Variants in AKAP13 observed in about 807,000 individuals in gnomAD.
AKAP13 encodes A-kinase anchor protein 13.
A neutral mutation model predicts 264.5 loss-of-function variants in AKAP13; 80 were observed. The observed-to-expected ratio is 0.30, with a 90% CI of 0.25 to 0.36. The LOEUF (loss-of-function observed/expected upper bound fraction) is 0.36, where lower values mean the gene tolerates loss of function less well. AKAP13 is among the 10% of genes least tolerant of loss of function. AKAP13 has a pLI of 1.00. For missense variants in AKAP13, 3,712 were observed against 3,435.2 expected (o/e 1.08, Z -2.01); for synonymous variants, 1,380 against 1,250.2 (o/e 1.10, Z -2.19).
intron 1 of AKAP13, among the ~76,000 whole-genome samples, chr15:85,482,129 C>G (rs1434770531): frequency 2.0e-5 from 3 of 152,182 alleles, no homozygotes; most frequent in African/African-American, 7.2e-5. Context: ...GCATTATATG[C>G]AGCGAGGTTT....
chr15:85,470,184 GA>G (rs1257483450), intron 1 of AKAP13, among the ~76,000 whole-genome samples: 6 of 152,146 alleles, frequency 3.9e-5, no homozygotes, highest in African/African-American at 1.4e-4. Context: ...AGCTACTCGG[GA>G]GGCTGAGGCA....
Position 85,579,536 on chromosome 15 carries a change from G to A in AKAP13, c.1468G>A (p.Asp490Asn), listed in dbSNP as rs534404480. The change falls in exon 7 of 37, where the codon GAT (aspartate) becomes AAT (asparagine). Residue 490 changes from aspartate to asparagine, a missense_variant. Around this residue, in one of 3 missense-constraint regions of AKAP13, gnomAD observed 2,759 missense variants for 2,411.7 expected, o/e 1.14. Transcript: ENST00000394518. Reference sequence around the variant, plus strand: ...AATGGAACATGGGCTCATGAACCCAGATGCCACTGTTTGGAAGAATGTGCT... The same window carrying A: ...AATGGAACATGGGCTCATGAACCCAAATGCCACTGTTTGGAAGAATGTGCT... ...GEMEHGLMNP[D>N]ATVWKNVLQG... is the part of the protein sequence containing the mutation. 6.2e-7 allele frequency: 1 copy of A among 1,614,198 alleles called. No homozygotes were observed. The highest frequency in any genetic ancestry group is 2.2e-5 in the East Asian group (1 of 44,880).
intron 13 of AKAP13, among the ~76,000 whole-genome samples, chr15:85,668,000 C>T (rs1235801964): frequency 6.6e-6 from 1 of 152,092 alleles, no homozygotes; most frequent in Non-Finnish European, 1.5e-5. Context: ...CTATGCTTAG[C>T]CTTCCTGGAA....
At chr15:85,391,155 A>C (rs758746906) in intron 1 of AKAP13, among the ~76,000 whole-genome samples, 1 of 152,244 alleles carries the variant, frequency 6.6e-6, no homozygotes, top group Non-Finnish European at 1.5e-5. Context: ...GGAAGGCTAG[A>C]TATGAATGAA....
chr15:85,726,353 G>C lies in AKAP13; in HGVS notation c.6746-57G>C, dbSNP rs1274473413. ...CTTCAATAAAAAACCTTCTGACTGT[G>C]GGTAACTATTAAGTAGTCATCGTTT... On this transcript the variant is annotated intron_variant, in intron 26 of 36. Transcript: ENST00000394518. The C allele has an allele frequency of 3.5e-6, 5 of 1,433,634 alleles. No homozygotes were observed. The African/African-American group carries it at 7.1e-5, about 20-fold the overall frequency. The allele number at this position is 1,433,634 out of a possible 1,614,324, so 88.8% of individuals were successfully genotyped here.
intron 14 of AKAP13, among the ~76,000 whole-genome samples, chr15:85,677,492 A>G (rs1205433510): frequency 6.6e-6 from 1 of 152,216 alleles, no homozygotes; most frequent in Non-Finnish European, 1.5e-5. Flanking sequence ...CTCATGGGAC[A>G]GATATCTAGA....
At chr15:85,567,941 GGTGTGTGTGTGTGTGTGTGTGT>G (rs57049395) in intron 5 of AKAP13, among the ~76,000 whole-genome samples, 2 of 141,828 alleles carry the variant, frequency 1.4e-5, no homozygotes, top group African/African-American at 5.3e-5. Flanking sequence ...AGCCCAAAGA[GGTGTGTGTGTGTGTGTGTGTGT>G]GTGTGTGTGT....
intron 8 of AKAP13, among the ~76,000 whole-genome samples, chr15:85,620,571 T>C (rs1174127848): frequency 6.6e-6 from 1 of 152,162 alleles, no homozygotes; most frequent in Non-Finnish European, 1.5e-5. Context: ...TCTCTGCCTC[T>C]GTCTTTTAAG....
rs10693195 is a variant in AKAP13 at position 85,553,084 on chromosome 15, CTTTTT to C, written c.662+9143_662+9147del. On this transcript the variant is annotated intron_variant, in intron 5 of 36. Transcript: ENST00000394518. ...TTAATATAATCTAACATCTGTAATT[CTTTTT>C]TTTTTTTTTTTTTGGAGACGGAGTT... Among the ~76,000 whole-genome samples, 5 of 120,382 alleles carry C rather than the reference CTTTTT, an allele frequency of 4.2e-5. No individual in the cohort carries two copies. In the East Asian group the frequency reaches 9.6e-4, roughly 23 times the overall value. 79.0% of individuals were successfully genotyped at this position (120,382 alleles called of 152,430 possible). A position where few individuals can be genotyped will look rare whatever the true frequency, so the allele number is the denominator to read the frequency against.
chr15:85,613,713 T>TATG (rs1254657975), intron 8 of AKAP13, among the ~76,000 whole-genome samples: 11 of 110,988 alleles, frequency 9.9e-5, no homozygotes, highest in African/African-American at 3.0e-4. Flanking sequence ...TATATATATA[T>TATG]TAGGAGTGCT....
At chr15:85,529,804 A>G (rs35184622) in intron 3 of AKAP13, among the ~76,000 whole-genome samples, 36,616 of 152,128 alleles carry the variant, frequency 0.24, 5,831 homozygotes, top group Middle Eastern at 0.41. Context: ...AATAAAGACT[A>G]ATCCAGGAAA....
chr15:85,729,965 C>T (rs530980779), intron 29 of AKAP13, among the ~76,000 whole-genome samples: 1 of 145,054 alleles, frequency 6.9e-6, no homozygotes, highest in South Asian at 2.2e-4. Context: ...AAAACAAAAA[C>T]AAAAAAAAAA....
intron 8 of AKAP13, among the ~76,000 whole-genome samples, chr15:85,595,769 G>A (rs767736445): frequency 6.6e-6 from 1 of 152,126 alleles, no homozygotes; most frequent in Non-Finnish European, 1.5e-5. Flanking sequence ...ATTGCCTAAG[G>A]ATTGCCAGAG....
At chr15:85,572,477 G>A (rs2078851053) in intron 5 of AKAP13, among the ~76,000 whole-genome samples, 1 of 151,694 alleles carries the variant, frequency 6.6e-6, no homozygotes, top group Admixed American at 6.6e-5. Flanking sequence ...TCAGAGTATA[G>A]CAACTTAGTA....
rs531745352 is a variant in AKAP13 at position 85,723,174 on chromosome 15, G to A, written c.6599G>A (p.Arg2200His). ...GTGGCAAGTTATGAAAAGAAAGTGC[G>A]TCTCAATGAGATTTATACAAAGACA... The part of the protein sequence containing the change: ...SKVASYEKKV[R>H]LNEIYTKTDS... Residue 2200 changes from arginine (R) to histidine (H), a missense_variant, in exon 26 of 37, where the codon CGT becomes CAT. Around this residue, in one of 3 missense-constraint regions of AKAP13, gnomAD observed 342 missense variants for 484.3 expected, o/e 0.71. Coordinates refer to ENST00000394518, the MANE Select transcript of AKAP13 (RefSeq NM_007200.5). 9.9e-6 allele frequency: 16 copies of A among 1,614,152 alleles called. No homozygotes were observed. The highest frequency in any genetic ancestry group is 4.0e-5 in the African/African-American group (3 of 75,056).
chr15:85,601,200 C>A (rs1410237324), intron 8 of AKAP13, among the ~76,000 whole-genome samples: 3 of 152,122 alleles, frequency 2.0e-5, no homozygotes, highest in African/African-American at 7.2e-5. Context: ...TGTCAGTTTA[C>A]CATTTGCCCT....
intron 2 of AKAP13, among the ~76,000 whole-genome samples, chr15:85,509,899 T>C (rs1346767192): frequency 6.6e-6 from 1 of 152,234 alleles, no homozygotes; most frequent in East Asian, 1.9e-4. Context: ...TCCTCCGACA[T>C]GTCACCCCTG....
At chr15:85,744,111 C>T (rs1043720897) in intron 36 of AKAP13, 12 of 421,006 alleles carry the variant, frequency 2.9e-5, no homozygotes, top group Admixed American at 1.2e-4. Context: ...TAATTCAAGT[C>T]CTCCTTGCCT....
At chr15:85,729,952 A>G (rs1398677472) in intron 29 of AKAP13, among the ~76,000 whole-genome samples, 1 of 150,814 alleles carries the variant, frequency 6.6e-6, no homozygotes, top group Non-Finnish European at 1.5e-5. Context: ...GTCTCAAAAA[A>G]CAAAAACAAA....
Sources: allele counts gnomAD v4.1 joint callset (sites outside exome capture counted in the v4.1 genomes callset), GRCh38; gene constraint gnomAD v4.1.1; regional missense constraint gnomAD v4.1.1; transcripts MANE v1.5; gene names NCBI Gene and HGNC (gene_info 2026-07-23, HGNC 2026-07-21).